Variants in DSCAML1 observed in about 807,000 individuals in gnomAD.
DSCAML1 encodes DS cell adhesion molecule like 1.
A neutral mutation model predicts 200.5 loss-of-function variants in DSCAML1; 38 were observed. That is an observed-to-expected ratio of 0.19 (90% confidence interval 0.15 to 0.25). The LOEUF is 0.25. DSCAML1 is among the 10% of genes least tolerant of loss of function. The probability of loss-of-function intolerance (pLI) is 1.00; values close to 1 mark genes in which losing one functional copy is unlikely to be tolerated. For synonymous variants in DSCAML1, 1,215 were observed against 1,165.0 expected (o/e 1.04, Z -0.87); for missense variants, 2,223 against 2,858.8 (o/e 0.78, Z 5.07).
intron 3 of DSCAML1, among the ~76,000 whole-genome samples, chr11:117,580,374 C>T (rs1448829578): frequency 1.3e-5 from 2 of 152,266 alleles, no homozygotes; most frequent in African/African-American, 2.4e-5. Context: ...TCTGGTAGAG[C>T]GAGGTTTGGA....
At chr11:117,778,150 CT>C (rs1192629206) in intron 2 of DSCAML1, among the ~76,000 whole-genome samples, 2 of 152,224 alleles carry the variant, frequency 1.3e-5, no homozygotes, top group East Asian at 1.9e-4. Flanking sequence ...GGCCTTTATT[CT>C]TTCCCCTTCT....
At chr11:117,716,838 C>A (rs1408474138) in intron 3 of DSCAML1, among the ~76,000 whole-genome samples, 2 of 152,168 alleles carry the variant, frequency 1.3e-5, no homozygotes, top group Admixed American at 1.3e-4. Flanking sequence ...CATGTATTGT[C>A]CACAGCTGCT....
At chr11:117,680,946 C>T (rs142529344) in intron 3 of DSCAML1, among the ~76,000 whole-genome samples, 209 of 152,322 alleles carry the variant, frequency 1.4e-3, no homozygotes, top group African/African-American at 4.7e-3. Flanking sequence ...CCAAGGGTGG[C>T]AAGTTACTCA....
chr11:117,523,566 G>A (rs578129383), intron 5 of DSCAML1, among the ~76,000 whole-genome samples: 34 of 152,296 alleles, frequency 2.2e-4, no homozygotes, highest in African/African-American at 6.3e-4. Context: ...GTGTTGGGGC[G>A]CTCTTCCAGG....
At chr11:117,718,147 A>AGCCT (rs2053983836) in intron 3 of DSCAML1, among the ~76,000 whole-genome samples, 3 of 152,242 alleles carry the variant, frequency 2.0e-5, no homozygotes, top group African/African-American at 7.2e-5. Context: ...GAGTGATAAT[A>AGCCT]GCCTGCCTGT....
In DSCAML1 at chr11:117,437,139, G is replaced by A. The variant is rs1314913336; in HGVS notation, c.4703C>T (p.Thr1568Ile). The A allele has an allele frequency of 6.2e-7, 1 of 1,613,112 alleles. No individual in the cohort carries two copies. Among genetic ancestry groups the A allele is most frequent in the East Asian group, 2.2e-5 (1 of 44,860 alleles). Residue 1568 changes from threonine to isoleucine, a missense_variant, in exon 26 of 33, where the codon ACC becomes ATC. Coordinates refer to ENST00000651296, the MANE Select transcript of DSCAML1 (RefSeq NM_020693.4). This position sits in a 1 kb window ranked among gnomAD's most constrained non-coding sequence, Gnocchi z 5.3. ...GCGNETAQFA[T>I]LDYDGSTIPP... ...CGACTCACTGCCATCGTAGTCCAGG[G>A]TGGCGAACTGGGCTGTTTCATTGCC...
chr11:117,512,762 C>CACACACAA (rs1491095282), intron 8 of DSCAML1, among the ~76,000 whole-genome samples: 26 of 17,460 alleles, frequency 1.5e-3, no homozygotes, highest in Admixed American at 4.2e-3. Flanking sequence ...CCTCTAGGAT[C>CACACACAA]ACACACACAC....
chr11:117,502,859 A>G (rs2049423085), intron 11 of DSCAML1, among the ~76,000 whole-genome samples: 1 of 152,114 alleles, frequency 6.6e-6, no homozygotes, highest in African/African-American at 2.4e-5. Flanking sequence ...CCCCGCTCAT[A>G]GTGTAGATCA....
At chr11:117,672,263 G>T (rs1444826905) in intron 3 of DSCAML1, among the ~76,000 whole-genome samples, 1 of 152,092 alleles carries the variant, frequency 6.6e-6, no homozygotes, top group Non-Finnish European at 1.5e-5. Context: ...CTGCCTCCCA[G>T]CCCAGTGCCC....
intron 3 of DSCAML1, among the ~76,000 whole-genome samples, chr11:117,679,859 T>C (rs946924265): frequency 6.6e-6 from 1 of 152,108 alleles, no homozygotes; most frequent in African/African-American, 2.4e-5. Context: ...CCCTCCACAA[T>C]GATTATAAAG....
At chr11:117,624,205 C>T (rs867409606) in intron 3 of DSCAML1, among the ~76,000 whole-genome samples, 3 of 152,152 alleles carry the variant, frequency 2.0e-5, no homozygotes, top group Admixed American at 6.6e-5. Flanking sequence ...TCAGCTGAAT[C>T]GGAATGACAG....
At position 117,797,213 on chromosome 11, in the gene DSCAML1, G is replaced by T; in HGVS notation, c.-134C>A. ...CTCTCTGCTCCTCAGCCCAGCGCTC[G>T]GCTGCGGCGGCGGCTCCTCCCTCCT... On this transcript the variant is annotated 5_prime_UTR_variant, in exon 1 of 33. Coordinates refer to ENST00000651296, the MANE Select transcript of DSCAML1 (RefSeq NM_020693.4). The T allele has an allele frequency of 1.3e-6, 2 of 1,493,910 alleles. No homozygotes were observed. Among genetic ancestry groups the T allele is most frequent in the South Asian group, 1.3e-5 (1 of 78,762 alleles). 92.5% of individuals were successfully genotyped at this position (1,493,910 alleles called of 1,614,324 possible). A position where few individuals can be genotyped will look rare whatever the true frequency, so the allele number is the denominator to read the frequency against.
chr11:117,464,595 A>G (rs1450546041), intron 17 of DSCAML1, among the ~76,000 whole-genome samples: 2 of 152,096 alleles, frequency 1.3e-5, no homozygotes, highest in African/African-American at 4.8e-5. Flanking sequence ...TGTAGAGGGA[A>G]GAGAGAGGGG....
Position 117,450,830 on chromosome 11 carries a change from AG to A in DSCAML1, c.3569-143del, listed in dbSNP as rs1433345285. On this transcript the variant is annotated intron_variant, in intron 19 of 32. Coordinates refer to ENST00000651296, the MANE Select transcript of DSCAML1 (RefSeq NM_020693.4). ...TCCTTGAGCTGTGGTTTAGAAGGGGAGGGTCCATCCAGCATGGTAAACAGGT... is the reference window on the plus strand; with the variant it reads ...TCCTTGAGCTGTGGTTTAGAAGGGGAGGTCCATCCAGCATGGTAAACAGGT... 8 of 942,262 alleles carry A rather than the reference AG, an allele frequency of 8.5e-6. No homozygotes were observed. The East Asian group carries it at 2.2e-4, about 26-fold the overall frequency. The allele number at this position is 942,262 out of a possible 1,614,324, so 58.4% of individuals were successfully genotyped here. A position where few individuals can be genotyped will look rare whatever the true frequency, so the allele number is the denominator to read the frequency against.
intron 3 of DSCAML1, among the ~76,000 whole-genome samples, chr11:117,742,328 T>C (rs777379034): frequency 6.6e-6 from 1 of 152,178 alleles, no homozygotes; most frequent in East Asian, 1.9e-4. Flanking sequence ...AATCTAGTGA[T>C]GACAGGACAA....
chr11:117,615,862 C>T (rs2051801054), intron 3 of DSCAML1, among the ~76,000 whole-genome samples: 1 of 152,176 alleles, frequency 6.6e-6, no homozygotes, highest in South Asian at 2.1e-4. Flanking sequence ...TTGAGTGTCA[C>T]TTCTATGACT....
At chr11:117,743,504 C>G (rs2054460774) in intron 3 of DSCAML1, among the ~76,000 whole-genome samples, 1 of 152,196 alleles carries the variant, frequency 6.6e-6, no homozygotes, top group African/African-American at 2.4e-5. Flanking sequence ...AGCCATCTGC[C>G]CACCAGTTCC....
At chr11:117,769,883 T>C (rs536764667) in intron 3 of DSCAML1, among the ~76,000 whole-genome samples, 1 of 152,280 alleles carries the variant, frequency 6.6e-6, no homozygotes, top group South Asian at 2.1e-4. Flanking sequence ...TTGTCCCTTA[T>C]TCTTTTTCCC....
chr11:117,472,112 A>T (rs2048698573), intron 14 of DSCAML1, 76 bp from the exon 15 acceptor site: 1 of 1,554,082 alleles, frequency 6.4e-7, no homozygotes, highest in Admixed American at 1.7e-5. Flanking sequence ...GTACCAGTAC[A>T]ACCCAATATT....
Sources: gnomAD v4.1 joint callset for allele counts (sites outside exome capture counted in the v4.1 genomes callset) on GRCh38, gnomAD v4.1.1 for gene constraint, Gnocchi (gnomAD v3.1) non-coding constraint, MANE v1.5 for transcripts, NCBI Gene and HGNC (gene_info 2026-07-23, HGNC 2026-07-21) for gene names.